ROBO2: variants seen among roughly 807,000 people sequenced by gnomAD.
The protein encoded by ROBO2 is roundabout homolog 2.
A neutral mutation model predicts 160.8 loss-of-function variants in ROBO2; 53 were observed. The ratio of observed to expected loss-of-function variants is 0.33; its 90% confidence interval spans 0.26 to 0.41. ROBO2 has a LOEUF of 0.41. ROBO2 is among the 10% of genes least tolerant of loss of function. The pLI, the probability that ROBO2 is intolerant of heterozygous loss-of-function variation, is 1.00. For synonymous variants in ROBO2, 664 were observed against 611.7 expected (o/e 1.09, Z -1.26); for missense variants, 1,577 against 1,722.4 (o/e 0.92, Z 1.49).
chr3:75,911,615 T>A lies in ROBO2; in HGVS notation c.-14+4655T>A, dbSNP rs1273175001. ...CTCTGTCGCCCAGGCTGGAGTGCAG[T>A]GGCGCGATCTCGACTCACTGCAAGC... On this transcript the variant is annotated intron_variant, in intron 1 of 26. Transcript: ENST00000487694. 2.2e-5 allele frequency among the ~76,000 whole-genome samples: 3 copies of A among 135,476 alleles called. No individual in the cohort carries two copies. The East Asian group carries it at 6.4e-4, about 29-fold the overall frequency. 88.9% of individuals were successfully genotyped at this position (135,476 alleles called of 152,430 possible). A position where few individuals can be genotyped will look rare whatever the true frequency, so the allele number is the denominator to read the frequency against.
intron 2 of ROBO2, among the ~76,000 whole-genome samples, chr3:76,625,854 A>G (rs1379862663): frequency 6.6e-6 from 1 of 152,170 alleles, no homozygotes; most frequent in Non-Finnish European, 1.5e-5. Context: ...GAGAGATTTT[A>G]ACAGATGAAA....
At chr3:76,509,107 A>G (rs1011950487) in intron 2 of ROBO2, among the ~76,000 whole-genome samples, 2 of 152,154 alleles carry the variant, frequency 1.3e-5, no homozygotes. Flanking sequence ...TAAGATTACT[A>G]TCAGGAAACT....
chr3:76,532,488 T>C (rs747504214), intron 2 of ROBO2, among the ~76,000 whole-genome samples: 1 of 152,188 alleles, frequency 6.6e-6, no homozygotes, highest in South Asian at 2.1e-4. Context: ...ATAATAAGAA[T>C]TTAAGTTTTT....
At chr3:77,572,583 G>A (rs2093663531) in intron 13 of ROBO2, among the ~76,000 whole-genome samples, 1 of 150,820 alleles carries the variant, frequency 6.6e-6, no homozygotes, top group South Asian at 2.1e-4. Flanking sequence ...GTGGGTGAAG[G>A]AATTCATTCT....
intron 5 of ROBO2, among the ~76,000 whole-genome samples, chr3:77,517,953 C>T (rs1398113372): frequency 6.6e-6 from 1 of 151,430 alleles, no homozygotes; most frequent in Non-Finnish European, 1.5e-5. Flanking sequence ...AACATTTTCC[C>T]TCTGAATAAA....
At chr3:77,445,803 T>TGTTTTTTTTTG (rs58263224) in intron 2 of ROBO2, among the ~76,000 whole-genome samples, 1 of 149,840 alleles carries the variant, frequency 6.7e-6, no homozygotes, top group African/African-American at 2.5e-5. Context: ...TGTTTTTTTT[T>TGTTTTTTTTTG]TTTTTTTTGC....
chr3:77,536,359 A>G (rs1361472585), intron 6 of ROBO2, among the ~76,000 whole-genome samples: 1 of 151,910 alleles, frequency 6.6e-6, no homozygotes, highest in African/African-American at 2.4e-5. Flanking sequence ...ATCTAAAAGA[A>G]CAAATCAAAT....
intron 2 of ROBO2, among the ~76,000 whole-genome samples, chr3:75,970,690 C>A (rs1576337299): frequency 6.6e-6 from 1 of 151,426 alleles, no homozygotes; most frequent in African/African-American, 2.4e-5. Flanking sequence ...TAAGTAAACG[C>A]ATTATTTGTT....
chr3:75,922,217 A>G (rs1380843732), intron 1 of ROBO2, among the ~76,000 whole-genome samples: 5 of 152,182 alleles, frequency 3.3e-5, no homozygotes, highest in Admixed American at 6.5e-5. Context: ...TAGTTGCACA[A>G]AGGTATACTA....
At chr3:77,211,076 T>G (rs1484879358) in intron 2 of ROBO2, among the ~76,000 whole-genome samples, 2 of 152,196 alleles carry the variant, frequency 1.3e-5, no homozygotes, top group African/African-American at 4.8e-5. Context: ...TATAGCAGCA[T>G]GTTTTGTAAT....
intron 2 of ROBO2, among the ~76,000 whole-genome samples, chr3:76,466,748 T>G (rs1331127434): frequency 6.6e-6 from 1 of 152,024 alleles, no homozygotes; most frequent in Non-Finnish European, 1.5e-5. Context: ...CACTGAATTT[T>G]GTACATTCAG....
At chr3:76,332,740 A>T (rs2073583273) in intron 2 of ROBO2, among the ~76,000 whole-genome samples, 1 of 152,148 alleles carries the variant, frequency 6.6e-6, no homozygotes, top group East Asian at 1.9e-4. Context: ...GTGGCCACAT[A>T]AAAATAATTT....
At position 76,774,468 on chromosome 3, in the gene ROBO2, C is replaced by A. The variant is rs1030687105; in HGVS notation, c.110-323546C>A. 4.0e-5 allele frequency among the ~76,000 whole-genome samples: 6 copies of A among 150,848 alleles called. No homozygotes were observed. The Admixed American group carries it at 4.0e-4, about 10-fold the overall frequency. ...TAGCTTAGTCTAATTCATCGTATAT[C>A]TTAGTTTAAATCTTCCCATTTTCTG... On this transcript the variant is annotated intron_variant, in intron 2 of 26. Coordinates refer to the ROBO2 transcript ENST00000487694.
intron 2 of ROBO2, among the ~76,000 whole-genome samples, chr3:75,996,604 A>T (rs1035460153): frequency 1.3e-5 from 2 of 152,218 alleles, no homozygotes; most frequent in African/African-American, 4.8e-5. Flanking sequence ...ACATCATAAG[A>T]TGCATAAGAT....
intron 2 of ROBO2, among the ~76,000 whole-genome samples, chr3:77,242,807 TAGTAG>T (rs1432450247): frequency 6.6e-6 from 1 of 151,254 alleles, no homozygotes; most frequent in African/African-American, 2.4e-5. Context: ...TTTCCATATC[TAGTAG>T]AGTCTTCAAG....
chr3:76,660,384 C>G (rs1375378517), intron 2 of ROBO2, among the ~76,000 whole-genome samples: 1 of 152,096 alleles, frequency 6.6e-6, no homozygotes, highest in South Asian at 2.1e-4. Flanking sequence ...AGTATTAAAT[C>G]TACAGTTCCC....
At chr3:77,507,211 AAC>A (rs2088671599) in intron 5 of ROBO2, among the ~76,000 whole-genome samples, 1 of 152,188 alleles carries the variant, frequency 6.6e-6, no homozygotes, top group East Asian at 1.9e-4. Flanking sequence ...TTATTCCATA[AAC>A]ACATTTCAAG....
intron 6 of ROBO2, among the ~76,000 whole-genome samples, chr3:77,538,357 T>G (rs556259180): frequency 2.8e-4 from 42 of 152,004 alleles, no homozygotes; most frequent in Middle Eastern, 3.4e-3. Context: ...TTTTGTATTT[T>G]TAGTAGAGAC....
At chr3:77,452,324 G>A (rs1438329621) in intron 2 of ROBO2, among the ~76,000 whole-genome samples, 1 of 152,094 alleles carries the variant, frequency 6.6e-6, no homozygotes, top group African/African-American at 2.4e-5. Flanking sequence ...TTATTTCATA[G>A]GAATATTGTT....
Sources: allele counts gnomAD v4.1 joint callset (sites outside exome capture counted in the v4.1 genomes callset), GRCh38; gene constraint gnomAD v4.1.1; transcripts MANE v1.5; gene names NCBI Gene and HGNC (gene_info 2026-07-23, HGNC 2026-07-21).